Variants in MAP4K4 observed in about 807,000 individuals in gnomAD.
The protein encoded by MAP4K4 is HPK/GCK-like kinase HGK.
In MAP4K4, 38 loss-of-function variants were observed where a neutral mutation model predicts 189.6. The observed-to-expected ratio is 0.20, with a 90% CI of 0.15 to 0.26. MAP4K4 has a LOEUF of 0.26. Among genes scored for constraint, MAP4K4 ranks in the 10% least tolerant of loss-of-function variants. The pLI is 1.00. For missense variants in MAP4K4, 1,054 were observed against 1,726.9 expected (o/e 0.61, Z 6.91); for synonymous variants, 610 against 624.3 (o/e 0.98, Z 0.34).
intron 10 of MAP4K4, among the ~76,000 whole-genome samples, chr2:101,840,472 C>G (rs1432464692): frequency 6.6e-6 from 1 of 152,136 alleles, no homozygotes; most frequent in Non-Finnish European, 1.5e-5. Context: ...CTTTAAGTAG[C>G]ATGCATAACA....
chr2:101,871,414 A>G lies in MAP4K4; in HGVS notation c.2761-80A>G, dbSNP rs1577143564. 1.2e-5 allele frequency: 13 copies of G among 1,102,084 alleles called. No individual in the cohort carries two copies. The East Asian group carries it at 3.4e-4, about 29-fold the overall frequency. 68.3% of individuals were successfully genotyped at this position (1,102,084 alleles called of 1,614,324 possible). A position where few individuals can be genotyped will look rare whatever the true frequency, so the allele number is the denominator to read the frequency against. ...TAGCAGAGTTTATAAGTCACACAGC[A>G]CCTTAAAGCAGTTATCAATAGGGCC... On this transcript the variant is annotated intron_variant, in intron 23 of 32. Transcript: ENST00000324219.
intron 3 of MAP4K4, among the ~76,000 whole-genome samples, chr2:101,808,589 G>T: frequency 7.4e-6 from 1 of 134,952 alleles, no homozygotes; most frequent in South Asian, 2.3e-4. Context: ...TGAATTTTAT[G>T]ATTTATAAAT....
intron 2 of MAP4K4, among the ~76,000 whole-genome samples, chr2:101,733,168 T>C (rs1381199039): frequency 6.6e-6 from 1 of 152,168 alleles, no homozygotes; most frequent in Non-Finnish European, 1.5e-5. Context: ...GGGGTCTCTG[T>C]CTGAAGTAGA....
rs1229284945 is a variant in MAP4K4, at chr2:101,829,484, G to A, written c.418-20G>A. Reference sequence around the variant, plus strand: ...TATAGTCACAGAAAACTAAAATTCAGGTCTGTCTTTCCTATTCAGGGACTG... The same window carrying A: ...TATAGTCACAGAAAACTAAAATTCAAGTCTGTCTTTCCTATTCAGGGACTG... On this transcript the variant is annotated intron_variant, in intron 5 of 32. Coordinates refer to ENST00000324219, the Ensembl canonical transcript of MAP4K4. 2 of 1,562,526 alleles carry A rather than the reference G, an allele frequency of 1.3e-6. No individual in the cohort carries two copies.
intron 2 of MAP4K4, among the ~76,000 whole-genome samples, chr2:101,761,085 T>TA (rs1231124141): frequency 6.6e-6 from 1 of 152,168 alleles, no homozygotes; most frequent in Non-Finnish European, 1.5e-5. Context: ...AGAACCAACT[T>TA]AAAAAAATGT....
intron 26 of MAP4K4, among the ~76,000 whole-genome samples, chr2:101,875,795 A>G (rs369002770): frequency 6.6e-6 from 1 of 152,342 alleles, no homozygotes; most frequent in East Asian, 1.9e-4. Flanking sequence ...GAAATACATG[A>G]ATGATCAAGA....
chr2:101,839,747 T>G lies in MAP4K4; in HGVS notation c.774-72T>G, dbSNP rs1444504985. On this transcript the variant is annotated intron_variant, in intron 9 of 32. Coordinates refer to ENST00000324219, the Ensembl canonical transcript of MAP4K4. Reference sequence around the variant, plus strand: ...CTGAAGCTCTTCTTTATGTTGAGGCTTGTAAGTTACTGATATTTTCGATCT... The same window carrying G: ...CTGAAGCTCTTCTTTATGTTGAGGCGTGTAAGTTACTGATATTTTCGATCT... The G allele has an allele frequency of 6.0e-6, 7 of 1,170,246 alleles. No individual in the cohort carries two copies. In the African/African-American group the frequency reaches 1.1e-4, roughly 18 times the overall value. 72.5% of individuals were successfully genotyped at this position (1,170,246 alleles called of 1,614,324 possible). A position where few individuals can be genotyped will look rare whatever the true frequency, so the allele number is the denominator to read the frequency against.
intron 6 of MAP4K4, among the ~76,000 whole-genome samples, chr2:101,830,170 G>A (rs572174413): frequency 6.6e-6 from 1 of 152,022 alleles, no homozygotes; most frequent in Admixed American, 6.5e-5. Flanking sequence ...TTCTTTCATA[G>A]TATTGTTCAC....
chr2:101,723,199 A>T (rs1331860950), intron 2 of MAP4K4, among the ~76,000 whole-genome samples: 1 of 152,180 alleles, frequency 6.6e-6, no homozygotes, highest in East Asian at 1.9e-4. Flanking sequence ...TCTTCCTTGA[A>T]ATTTATGGGG....
chr2:101,882,608 A>AC lies in MAP4K4; in HGVS notation c.3444dup (p.Asn1149GlnfsTer2). 6.2e-7 allele frequency: 1 copy of AC among 1,611,778 alleles called. No individual in the cohort carries two copies. Among genetic ancestry groups the AC allele is most frequent in the Non-Finnish European group, 8.5e-7 (1 of 1,178,760 alleles). ...TCCTGGTTAAGAAATAAAATACTTC[A>AC]CAATGATCCAGAAGTTGAGAAGAAG... On this transcript the variant is annotated frameshift_variant, in exon 28 of 33. Transcript: ENST00000324219. LOFTEE classifies it high-confidence loss of function.
chr2:101,796,455 C>T (rs2093703538), intron 3 of MAP4K4, among the ~76,000 whole-genome samples: 1 of 152,196 alleles, frequency 6.6e-6, no homozygotes, highest in Admixed American at 6.5e-5. Context: ...ACGCTAATAA[C>T]TTCTTGCTCA....
rs1558913395 is a variant in MAP4K4 at position 101,785,690 on chromosome 2, C to CTTTTCCTTTTTTGAGTTGGAG, written c.124-5029_124-5028insTTTCCTTTTTTGAGTTGGAGT. On this transcript the variant is annotated intron_variant, in intron 2 of 32. Coordinates refer to ENST00000324219, the Ensembl canonical transcript of MAP4K4. ...TCTTTCTTTCTCCCTCTCTCTCTCT[C>CTTTTCCTTTTTTGAGTTGGAG]TCTCTCTCTCTCTCTCTCTCTCTCT... Among the ~76,000 whole-genome samples, 18 of 2,072 alleles carry CTTTTCCTTTTTTGAGTTGGAG rather than the reference C, an allele frequency of 8.7e-3. 1 individual carries two copies. The highest frequency in any genetic ancestry group is 0.071 in the East Asian group (3 of 42). 1.4% of individuals were successfully genotyped at this position (2,072 alleles called of 152,430 possible).
chr2:101,703,456 A>G (rs947969677), intron 2 of MAP4K4, among the ~76,000 whole-genome samples: 3 of 151,944 alleles, frequency 2.0e-5, no homozygotes, highest in African/African-American at 7.2e-5. Context: ...CATCTCTACT[A>G]AAAATATAAA....
chr2:101,868,809 C>G (rs2097895165), intron 21 of MAP4K4, among the ~76,000 whole-genome samples: 1 of 151,994 alleles, frequency 6.6e-6, no homozygotes, highest in Admixed American at 6.5e-5. Flanking sequence ...CTAGTGCTCA[C>G]TTCACTCCTT....
intron 27 of MAP4K4, among the ~76,000 whole-genome samples, chr2:101,881,056 G>C (rs187315957): frequency 1.3e-5 from 2 of 152,294 alleles, no homozygotes; most frequent in Admixed American, 1.3e-4. Flanking sequence ...TGTGGATCAA[G>C]TTGGAAAGTA....
chr2:101,877,262 C>A, intron 27 of MAP4K4, 116 bp downstream of exon 27: 2 of 991,476 alleles, frequency 2.0e-6, no homozygotes, highest in East Asian at 2.5e-5. Context: ...AAGGTACAAC[C>A]ACATTGAGAC....
At chr2:101,741,198 C>T (rs1446506806) in intron 2 of MAP4K4, among the ~76,000 whole-genome samples, 60 of 141,430 alleles carry the variant, frequency 4.2e-4, no homozygotes, top group African/African-American at 1.4e-3. Context: ...GACAGAGTCT[C>T]GCTCTGTTGC....
intron 2 of MAP4K4, among the ~76,000 whole-genome samples, chr2:101,769,354 C>A (rs1038379651): frequency 6.6e-6 from 1 of 152,088 alleles, no homozygotes; most frequent in East Asian, 1.9e-4. Flanking sequence ...CTGGTGCTTA[C>A]AGACATGAAA....
At chr2:101,773,864 G>A (rs1369916981) in intron 2 of MAP4K4, among the ~76,000 whole-genome samples, 5 of 152,024 alleles carry the variant, frequency 3.3e-5, no homozygotes, top group African/African-American at 9.7e-5. Flanking sequence ...GGCTTCTTTC[G>A]CTTAACATAG....
Sources: gnomAD v4.1 joint callset for allele counts (sites outside exome capture counted in the v4.1 genomes callset) on GRCh38, gnomAD v4.1.1 for gene constraint, MANE v1.5 for transcripts, NCBI Gene and HGNC (gene_info 2026-07-23, HGNC 2026-07-21) for gene names.